Variants in DYNLT2B observed in about 807,000 individuals in gnomAD.
DYNLT2B encodes dynein light chain Tctex-type 2B.
A neutral mutation model predicts 19.5 loss-of-function variants in DYNLT2B; 14 were observed. The ratio of observed to expected loss-of-function variants is 0.72; its 90% CI spans 0.47 to 1.12. The LOEUF is 1.12. Ranked by LOEUF, DYNLT2B falls within the 50% of genes most tolerant of loss-of-function variation. The pLI is 0.00. For missense variants in DYNLT2B, 133 were observed against 174.7 expected (o/e 0.76, Z 1.35); for synonymous variants, 70 against 59.7 (o/e 1.17, Z -0.79).
intron 2 of DYNLT2B, among the ~76,000 whole-genome samples, chr3:196,311,098 C>T (rs1726628368): frequency 6.6e-6 from 1 of 152,114 alleles, no homozygotes; most frequent in East Asian, 1.9e-4. Flanking sequence ...AGGGAACAAA[C>T]AGAATACCCA....
At chr3:196,309,651 G>T (rs1430694037) in intron 2 of DYNLT2B, among the ~76,000 whole-genome samples, 1 of 151,816 alleles carries the variant, frequency 6.6e-6, no homozygotes, top group African/African-American at 2.4e-5. Context: ...AGGAAGGAAG[G>T]AGCTGTGTAA....
rs145314164 is a variant in DYNLT2B, at chr3:196,314,504, G to A, written c.247+1594C>T. ...AAAAAAAGAACTTTTCAGATCAGACGGTATAACATTATTAACAAAAGAGAG... is the reference window on the plus strand; with the variant it reads ...AAAAAAAGAACTTTTCAGATCAGACAGTATAACATTATTAACAAAAGAGAG... On this transcript the variant is annotated intron_variant, in intron 2 of 4. Transcript: ENST00000325318. 7.3e-5 allele frequency among the ~76,000 whole-genome samples: 11 copies of A among 150,120 alleles called. 1 individual carries two copies. The highest frequency in any genetic ancestry group is 2.2e-4 in the African/African-American group (9 of 40,880).
At chr3:196,314,888 C>T (rs1726737745) in intron 2 of DYNLT2B, among the ~76,000 whole-genome samples, 1 of 151,914 alleles carries the variant, frequency 6.6e-6, no homozygotes, top group South Asian at 2.1e-4. Flanking sequence ...AGGAAAAGCA[C>T]AAAATATGCT....
At chr3:196,298,080 G>C (rs1040441279) in intron 3 of DYNLT2B, 3 of 269,710 alleles carry the variant, frequency 1.1e-5, no homozygotes, top group Non-Finnish European at 2.2e-5. Context: ...CAGCTTGGCT[G>C]TTCTGCAATG....
At chr3:196,308,885 T>TA (rs1179469381) in intron 2 of DYNLT2B, among the ~76,000 whole-genome samples, 1 of 151,568 alleles carries the variant, frequency 6.6e-6, no homozygotes, top group Non-Finnish European at 1.5e-5. Flanking sequence ...GAAAATAAAA[T>TA]AGTCTCAGAT....
chr3:196,316,270 C>T (rs1726790088), intron 1 of DYNLT2B, 39 bp from the exon 2 acceptor site: 2 of 1,577,534 alleles, frequency 1.3e-6, no homozygotes, highest in South Asian at 1.2e-5. Context: ...TCGGTGACTC[C>T]ACAACCCCAG....
At chr3:196,308,184 G>A (rs1274194998) in intron 2 of DYNLT2B, among the ~76,000 whole-genome samples, 1 of 152,076 alleles carries the variant, frequency 6.6e-6, no homozygotes, top group Admixed American at 6.6e-5. Flanking sequence ...CACAGAGCCA[G>A]TGGGGGCAGT....
At chr3:196,302,907 G>A (rs1281889800) in intron 3 of DYNLT2B, among the ~76,000 whole-genome samples, 2 of 151,808 alleles carry the variant, frequency 1.3e-5, no homozygotes, top group Non-Finnish European at 2.9e-5. Flanking sequence ...AACAAAGACG[G>A]TAACAGCCCT....
At position 196,295,996 on chromosome 3, in the gene DYNLT2B, A is replaced by C; in HGVS notation, c.381+10T>G. The C allele has an allele frequency of 6.2e-7, 1 of 1,610,718 alleles. No homozygotes were observed. The highest frequency in any genetic ancestry group is 8.5e-7 in the Non-Finnish European group (1 of 1,177,758). On this transcript the variant is annotated intron_variant, in intron 4 of 4. Transcript: ENST00000325318. The stretch of plus-strand genomic sequence containing the variant: ...TTAGAAAGGGAAAAGAGGTTTCCAA[A>C]TACACTTACATTCATGAAAACATCA...
intron 2 of DYNLT2B, chr3:196,315,127 C>T (rs901980307): frequency 5.4e-6 from 2 of 372,256 alleles, no homozygotes; most frequent in African/African-American, 4.5e-5. Context: ...TTTCCCCCAT[C>T]TGCAAAAACT....
intron 2 of DYNLT2B, among the ~76,000 whole-genome samples, chr3:196,308,204 T>G (rs1726544674): frequency 6.6e-6 from 1 of 152,144 alleles, no homozygotes; most frequent in Non-Finnish European, 1.5e-5. Flanking sequence ...TTCCTCTGTT[T>G]GTCTGGGCAG....
chr3:196,302,243 G>A (rs1726375539), intron 3 of DYNLT2B, among the ~76,000 whole-genome samples: 3 of 152,196 alleles, frequency 2.0e-5, no homozygotes, highest in Admixed American at 2.0e-4. Flanking sequence ...CGGAGTGGAA[G>A]GGGCAGCAGC....
intron 4 of DYNLT2B, 100 bp from the exon 5 acceptor site, chr3:196,291,474 T>G: frequency 7.6e-7 from 1 of 1,323,024 alleles, no homozygotes; most frequent in Non-Finnish European, 1.0e-6. Context: ...TCTCAGATCT[T>G]TCCAATTTTT....
At chr3:196,307,576 TA>T (rs1319863177) in intron 2 of DYNLT2B, among the ~76,000 whole-genome samples, 4 of 152,050 alleles carry the variant, frequency 2.6e-5, no homozygotes, top group Non-Finnish European at 5.9e-5. Context: ...GTGCTGGGAT[TA>T]CAGGCGTGAG....
intron 3 of DYNLT2B, among the ~76,000 whole-genome samples, chr3:196,300,088 G>A (rs1373494692): frequency 6.6e-6 from 1 of 152,192 alleles, no homozygotes; most frequent in Non-Finnish European, 1.5e-5. Context: ...AAGGAGTTCA[G>A]GGGCCTCTAA....
At chr3:196,292,697 G>A (rs2108789123) in intron 4 of DYNLT2B, among the ~76,000 whole-genome samples, 1 of 152,084 alleles carries the variant, frequency 6.6e-6, no homozygotes, top group South Asian at 2.1e-4. Context: ...GTGCTGGTCT[G>A]TGCACCCCAC....
chr3:196,298,470 C>T (rs539945723), intron 3 of DYNLT2B, among the ~76,000 whole-genome samples: 56 of 152,066 alleles, frequency 3.7e-4, no homozygotes, highest in Admixed American at 2.7e-3. Flanking sequence ...TGCATTACCA[C>T]GCCTGGCTAA....
intron 2 of DYNLT2B, among the ~76,000 whole-genome samples, chr3:196,314,422 C>T (rs147409507): frequency 6.7e-6 from 1 of 148,258 alleles, no homozygotes; most frequent in Non-Finnish European, 1.5e-5. Context: ...GAGATCACAC[C>T]ACTGCACTCC....
chr3:196,313,748 C>T (rs1224976831), intron 2 of DYNLT2B, among the ~76,000 whole-genome samples: 1 of 151,924 alleles, frequency 6.6e-6, no homozygotes, highest in Admixed American at 6.6e-5. Context: ...AAAACAAATT[C>T]AGAAAAAAAC....
Sources: allele counts gnomAD v4.1 joint callset (sites outside exome capture counted in the v4.1 genomes callset), GRCh38; gene constraint gnomAD v4.1.1; transcripts MANE v1.5; gene names NCBI Gene and HGNC (gene_info 2026-07-23, HGNC 2026-07-21).